C2CD5: variants seen among roughly 807,000 people sequenced by gnomAD.
C2CD5 encodes C2 calcium dependent domain containing 5.
Under a neutral mutation model 130.3 loss-of-function variants are expected in C2CD5, and 109 were observed. The ratio of observed to expected loss-of-function variants is 0.84; its 90% CI spans 0.72 to 0.98. The LOEUF (loss-of-function observed/expected upper bound fraction) is 0.98, where lower values mean the gene tolerates loss of function less well. Among genes scored for constraint, C2CD5 ranks in the 50% least tolerant of loss-of-function variants. The probability of loss-of-function intolerance (pLI) is 0.00; values close to 1 mark genes in which losing one functional copy is unlikely to be tolerated. For synonymous variants in C2CD5, 454 were observed against 429.2 expected (o/e 1.06, Z -0.71); for missense variants, 996 against 1,261.8 (o/e 0.79, Z 3.19).
intron 2 of C2CD5, among the ~76,000 whole-genome samples, chr12:22,540,543 G>GA (rs1383146718): frequency 6.6e-6 from 1 of 152,140 alleles, no homozygotes; most frequent in Non-Finnish European, 1.5e-5. Flanking sequence ...TTATGGTCAT[G>GA]AAAAAGTACT....
intron 3 of C2CD5, 134 bp downstream of exon 3, chr12:22,535,124 G>C: frequency 1.5e-6 from 1 of 648,744 alleles, no homozygotes; most frequent in Non-Finnish European, 2.8e-6. Flanking sequence ...AATATTCCTA[G>C]GTAAGCAGAA....
intron 9 of C2CD5, 43 bp from the exon 10 acceptor site, chr12:22,506,862 G>C: frequency 1.6e-6 from 2 of 1,232,940 alleles, no homozygotes; most frequent in Non-Finnish European, 2.4e-6. Context: ...ATCGTGTGTA[G>C]AGTGTAAAAA....
chr12:22,542,978 G>T (rs1421590622), intron 2 of C2CD5, among the ~76,000 whole-genome samples: 1 of 152,200 alleles, frequency 6.6e-6, no homozygotes, highest in Non-Finnish European at 1.5e-5. Flanking sequence ...GTTATTTGTG[G>T]ATTCCTATCA....
chr12:22,544,206 G>A, intron 1 of C2CD5, 27 bp from the exon 2 acceptor site: 1 of 1,554,272 alleles, frequency 6.4e-7, no homozygotes, highest in Non-Finnish European at 8.9e-7. Flanking sequence ...ACGAGTCTGC[G>A]CCGAGCGCGG....
intron 8 of C2CD5, among the ~76,000 whole-genome samples, chr12:22,515,962 A>ATTAC (rs1418617759): frequency 6.6e-6 from 1 of 151,828 alleles, no homozygotes; most frequent in Non-Finnish European, 1.5e-5. Context: ...AACCTTGTAA[A>ATTAC]TGTCAAAAAT....
At chr12:22,512,819 A>T in intron 9 of C2CD5, 1 of 509,192 alleles carries the variant, frequency 2.0e-6, no homozygotes, top group Admixed American at 3.8e-5. Context: ...TATACTGAAT[A>T]ACCACATTAT....
rs750170661 is a variant in C2CD5 at position 22,527,830 on chromosome 12, G to A, written c.240C>T (p.Tyr80=). The change falls in exon 4 of 27, where the codon TAC becomes TAT. Residue 80 remains tyrosine, a synonymous_variant. Coordinates refer to ENST00000446597, the MANE Select transcript of C2CD5 (RefSeq NM_001286176.2). ...LQITVLDHDT[Y]SANDAIGKVY... is the part of the protein sequence containing the mutation. ...CTTTACCAATGGCATCATTTGCACT[G>A]TAAGTATCATGGTCAAGAACTGTGA... The A allele has an allele frequency of 6.2e-7, 1 of 1,611,104 alleles. No homozygotes were observed. Among genetic ancestry groups the A allele is most frequent in the Non-Finnish European group, 8.5e-7 (1 of 1,177,666 alleles).
At chr12:22,518,214 C>A (rs1949946748) in intron 7 of C2CD5, 77 bp from the exon 8 acceptor site, 1 of 1,407,558 alleles carries the variant, frequency 7.1e-7, no homozygotes, top group Middle Eastern at 1.8e-4. Context: ...ATCCAAACAC[C>A]AGGAAAGAAT....
intron 14 of C2CD5, among the ~76,000 whole-genome samples, chr12:22,480,317 GAAGAT>G (rs1944525365): frequency 1.3e-5 from 2 of 152,162 alleles, no homozygotes; most frequent in Non-Finnish European, 2.9e-5. Context: ...CCTGTAAAGT[GAAGAT>G]AATATCACAT....
intron 2 of C2CD5, among the ~76,000 whole-genome samples, chr12:22,541,936 G>A (rs573549447): frequency 1.3e-5 from 2 of 152,114 alleles, no homozygotes; most frequent in African/African-American, 2.4e-5. Context: ...CCTGGCAAAC[G>A]GCAGACACTC....
chr12:22,488,539 A>G (rs997934631), intron 12 of C2CD5, among the ~76,000 whole-genome samples: 1 of 152,142 alleles, frequency 6.6e-6, no homozygotes, highest in Non-Finnish European at 1.5e-5. Flanking sequence ...ACCAAGCTAC[A>G]TGAAAAAGGT....
chr12:22,525,918 T>C (rs1039304698), intron 4 of C2CD5, among the ~76,000 whole-genome samples: 9 of 152,130 alleles, frequency 5.9e-5, no homozygotes, highest in South Asian at 2.1e-4. Flanking sequence ...ATTTAAAAAA[T>C]AGTCTTTGTT....
At chr12:22,471,704 A>G (rs1943069135) in intron 19 of C2CD5, among the ~76,000 whole-genome samples, 1 of 152,042 alleles carries the variant, frequency 6.6e-6, no homozygotes, top group Non-Finnish European at 1.5e-5. Flanking sequence ...AAAATAATAT[A>G]GTAAGTTTTT....
chr12:22,461,183 G>T (rs1941071995), intron 22 of C2CD5, among the ~76,000 whole-genome samples: 1 of 152,188 alleles, frequency 6.6e-6, no homozygotes, highest in South Asian at 2.1e-4. Flanking sequence ...TCAATGGAGA[G>T]ACTGGGACAC....
At chr12:22,454,842 G>T (rs774790430) in intron 25 of C2CD5, among the ~76,000 whole-genome samples, 36 of 152,078 alleles carry the variant, frequency 2.4e-4, no homozygotes, top group Non-Finnish European at 4.7e-4. Flanking sequence ...ACAACTATAT[G>T]CTAACATCTA....
At chr12:22,484,674 G>C in intron 13 of C2CD5, 23 bp downstream of exon 13, 1 of 1,395,742 alleles carries the variant, frequency 7.2e-7, no homozygotes, top group Non-Finnish European at 9.7e-7. Context: ...CAGGGACACC[G>C]AGTGTTGTTT....
At chr12:22,473,587 C>T (rs1413368995) in intron 16 of C2CD5, among the ~76,000 whole-genome samples, 2 of 152,146 alleles carry the variant, frequency 1.3e-5, no homozygotes, top group Non-Finnish European at 2.9e-5. Context: ...GCACTTTGTT[C>T]TCATGTGCCT....
At chr12:22,528,958 T>G (rs2137114896) in intron 3 of C2CD5, among the ~76,000 whole-genome samples, 1 of 152,346 alleles carries the variant, frequency 6.6e-6, no homozygotes, top group Admixed American at 6.5e-5. Context: ...AGTGTGATAA[T>G]GTGATCTAAG....
chr12:22,512,702 A>G, intron 9 of C2CD5: 3 of 1,472,828 alleles, frequency 2.0e-6, no homozygotes, highest in Non-Finnish European at 2.7e-6. Context: ...GTTTATTTAA[A>G]AAAAAAAAAG....
Sources: allele counts gnomAD v4.1 joint callset (sites outside exome capture counted in the v4.1 genomes callset), GRCh38; gene constraint gnomAD v4.1.1; transcripts MANE v1.5; gene names NCBI Gene and HGNC (gene_info 2026-07-23, HGNC 2026-07-21).